The following RABGAP1L variants were observed in gnomAD, a reference collection of about 807,000 sequenced individuals.
The protein encoded by RABGAP1L is rab GTPase-activating protein 1-like.
A neutral mutation model predicts 137.7 loss-of-function variants in RABGAP1L; 63 were observed. The ratio of observed to expected loss-of-function variants is 0.46; its 90% confidence interval spans 0.37 to 0.56. The LOEUF is 0.56. Among genes scored for constraint, RABGAP1L ranks in the 20% least tolerant of loss-of-function variants. The pLI, the probability that RABGAP1L is intolerant of heterozygous loss-of-function variation, is 0.00. For synonymous variants in RABGAP1L, 431 were observed against 433.7 expected (o/e 0.99, Z 0.08); for missense variants, 1,095 against 1,244.0 (o/e 0.88, Z 1.80).
intron 22 of RABGAP1L, among the ~76,000 whole-genome samples, chr1:174,976,585 T>A (rs570185386): frequency 1.3e-5 from 2 of 152,322 alleles, no homozygotes. Flanking sequence ...CCTACAGAGA[T>A]CTCTGCTGGG....
chr1:174,690,973 A>C (rs1261304593), intron 15 of RABGAP1L, among the ~76,000 whole-genome samples: 1 of 151,906 alleles, frequency 6.6e-6, no homozygotes, highest in Non-Finnish European at 1.5e-5. Context: ...CTGGGATTAC[A>C]GGCACATGCC....
chr1:174,374,162 G>C (rs1213187169), intron 12 of RABGAP1L, among the ~76,000 whole-genome samples: 2 of 152,176 alleles, frequency 1.3e-5, no homozygotes, highest in African/African-American at 4.8e-5. Context: ...ACCACAGCTT[G>C]GCTGCTACTG....
intron 17 of RABGAP1L, among the ~76,000 whole-genome samples, chr1:174,748,033 C>G (rs1159923408): frequency 6.6e-6 from 1 of 152,084 alleles, no homozygotes; most frequent in Non-Finnish European, 1.5e-5. Flanking sequence ...TATCACCAAA[C>G]TAACTGGAAG....
intron 23 of RABGAP1L, among the ~76,000 whole-genome samples, chr1:174,980,669 GA>G (rs1671021477): frequency 6.6e-6 from 1 of 152,224 alleles, no homozygotes; most frequent in African/African-American, 2.4e-5. Flanking sequence ...CCAGATCAAG[GA>G]AAGTCTTCAG....
chr1:174,528,190 A>G (rs983363765), intron 13 of RABGAP1L, among the ~76,000 whole-genome samples: 9 of 150,778 alleles, frequency 6.0e-5, no homozygotes, highest in African/African-American at 1.7e-4. Flanking sequence ...CATATAGTCA[A>G]TTGTTTTTGG....
chr1:174,941,883 A>C (rs547297415), intron 19 of RABGAP1L, among the ~76,000 whole-genome samples: 72 of 152,278 alleles, frequency 4.7e-4, no homozygotes, highest in African/African-American at 1.6e-3. Flanking sequence ...GGCATTAATA[A>C]AATTTTAAAA....
At chr1:174,914,838 C>G (rs190283406) in intron 19 of RABGAP1L, among the ~76,000 whole-genome samples, 4 of 152,262 alleles carry the variant, frequency 2.6e-5, no homozygotes, top group African/African-American at 9.6e-5. Flanking sequence ...ATCCTACCCC[C>G]CAGATCCATT....
intron 12 of RABGAP1L, among the ~76,000 whole-genome samples, chr1:174,388,204 G>A (rs1039103001): frequency 1.3e-5 from 2 of 151,912 alleles, no homozygotes; most frequent in Non-Finnish European, 2.9e-5. Context: ...AATTTTAAAC[G>A]TGTTTGAAAA....
chr1:174,468,731 C>G (rs867171993), intron 13 of RABGAP1L, among the ~76,000 whole-genome samples: 6 of 152,194 alleles, frequency 3.9e-5, no homozygotes, highest in Middle Eastern at 3.4e-3. Context: ...CTCTCTCTCT[C>G]TGTAAAATCA....
At chr1:174,288,539 C>T (rs1466838528) in intron 10 of RABGAP1L, among the ~76,000 whole-genome samples, 5 of 152,080 alleles carry the variant, frequency 3.3e-5, no homozygotes. Flanking sequence ...CCACTGTTTC[C>T]TCTCCTGCAA....
rs534535732 is a variant in RABGAP1L, at chr1:174,664,517, A to T, written c.1825-19005A>T. 1.0e-3 allele frequency among the ~76,000 whole-genome samples: 155 copies of T among 152,108 alleles called. 1 individual carries two copies. The highest frequency in any genetic ancestry group is 4.2e-3 in the Admixed American group (64 of 15,274). On this transcript the variant is annotated intron_variant, in intron 14 of 25. Transcript: ENST00000681986. ...TTTAACTAATTTTTTAAATTGTGTA[A>T]TATACATTCAAATGAATAAAAATAA...
chr1:174,349,466 C>G (rs1209018869), intron 11 of RABGAP1L, among the ~76,000 whole-genome samples: 3 of 126,360 alleles, frequency 2.4e-5, no homozygotes, highest in African/African-American at 9.3e-5. Context: ...GCTGACCCCC[C>G]CACCTCCCTC....
At position 174,692,155 on chromosome 1, in the gene RABGAP1L, C is replaced by G. The variant is rs1572827149; in HGVS notation, c.1900-7370C>G. ...TTGCCCTACTTGTGTGGTATGACTT[C>G]ATTAAAAAGGCAGATATATGCAGAA... On this transcript the variant is annotated intron_variant, in intron 15 of 25. Coordinates refer to ENST00000681986, the MANE Select transcript of RABGAP1L (RefSeq NM_001366446.1). 2.0e-5 allele frequency among the ~76,000 whole-genome samples: 3 copies of G among 152,030 alleles called. No individual in the cohort carries two copies. The East Asian group carries it at 5.8e-4, about 29-fold the overall frequency.
chr1:174,228,531 CAT>C (rs1347000925), intron 3 of RABGAP1L, among the ~76,000 whole-genome samples: 14 of 151,936 alleles, frequency 9.2e-5, no homozygotes, highest in African/African-American at 3.1e-4. Context: ...GTAATTTAAA[CAT>C]ATTAAAATGT....
intron 14 of RABGAP1L, among the ~76,000 whole-genome samples, chr1:174,654,783 G>A (rs1329735002): frequency 6.6e-6 from 1 of 152,106 alleles, no homozygotes; most frequent in Non-Finnish European, 1.5e-5. Context: ...AGCTATGTTA[G>A]ATAAGAAAAT....
intron 1 of RABGAP1L, among the ~76,000 whole-genome samples, chr1:174,188,881 A>G (rs1392109516): frequency 3.3e-5 from 5 of 152,172 alleles, no homozygotes; most frequent in Non-Finnish European, 7.4e-5. Context: ...TTGGAATGGG[A>G]TATGAACATT....
intron 19 of RABGAP1L, among the ~76,000 whole-genome samples, chr1:174,954,720 C>T (rs1156880298): frequency 6.6e-6 from 1 of 152,128 alleles, no homozygotes; most frequent in Non-Finnish European, 1.5e-5. Context: ...TACTGAAATA[C>T]TTCCGATCTG....
At chr1:174,965,505 T>G (rs1225866676) in intron 20 of RABGAP1L, among the ~76,000 whole-genome samples, 3 of 152,214 alleles carry the variant, frequency 2.0e-5, no homozygotes, top group Non-Finnish European at 4.4e-5. Context: ...CTAGAATTGG[T>G]CAGTATTGAA....
chr1:174,356,013 T>C (rs775533663), intron 11 of RABGAP1L, among the ~76,000 whole-genome samples: 26 of 152,354 alleles, frequency 1.7e-4, no homozygotes, highest in Non-Finnish European at 3.2e-4. Context: ...ATTCTGATTC[T>C]GTCATTTGAG....
Sources: gnomAD v4.1 joint callset for allele counts (sites outside exome capture counted in the v4.1 genomes callset) on GRCh38, gnomAD v4.1.1 for gene constraint, MANE v1.5 for transcripts, NCBI Gene and HGNC (gene_info 2026-07-23, HGNC 2026-07-21) for gene names.